The following TECPR2 variants were observed in gnomAD, a reference collection of about 807,000 sequenced individuals.
TECPR2 encodes tectonin beta-propeller repeat-containing protein 2.
A neutral mutation model predicts 138.1 loss-of-function variants in TECPR2; 65 were observed. The ratio of observed to expected loss-of-function variants is 0.47; its 90% CI spans 0.39 to 0.58. TECPR2 has a LOEUF of 0.58. Ranked by LOEUF, TECPR2 falls within the 20% of genes least tolerant of loss-of-function variation. TECPR2 has a pLI of 0.00. For synonymous variants in TECPR2, 746 were observed against 749.8 expected (o/e 0.99, Z 0.08); for missense variants, 1,553 against 1,824.5 (o/e 0.85, Z 2.71).
chr14:102,440,580 G>A lies in TECPR2; in HGVS notation c.2723G>A (p.Arg908Lys), dbSNP rs778236610. 1.2e-6 allele frequency: 2 copies of A among 1,614,070 alleles called. No individual in the cohort carries two copies. The highest frequency in any genetic ancestry group is 8.5e-7 in the Non-Finnish European group (1 of 1,179,990). Residue 908 changes from arginine (R) to lysine (K), a missense_variant, in exon 11 of 20, where the codon AGG (arginine) becomes AAG (lysine). Physicochemically the swap from Arg to Lys is conservative, Grantham distance 26. Coordinates refer to ENST00000359520, the MANE Select transcript of TECPR2 (RefSeq NM_014844.5). ...ALSDDTAWII[R>K]TSGDLYLQTG... ...AGCGATGACACGGCCTGGATCATCA[G>A]GACCAGTGGGGACCTATACTTGCAG...
intron 17 of TECPR2, among the ~76,000 whole-genome samples, chr14:102,472,833 C>T (rs535476562): frequency 1.1e-4 from 17 of 152,346 alleles, no homozygotes; most frequent in African/African-American, 3.8e-4. Flanking sequence ...CAGGCAGGGA[C>T]CCAGGCCCCC....
Position 102,376,644 on chromosome 14 carries a change from C to CTGTA in TECPR2, c.-72-5_-72-2dup. On this transcript the variant is annotated splice_polypyrimidine_tract_variant and splice_region_variant and intron_variant, in intron 1 of 19. Transcript: ENST00000359520. ...ATTGAAAGGATTGTAATGCTTTGTT[C>CTGTA]TGTAGCCCCCAGGTTTCCCTAGATG... 1 of 1,322,668 alleles carries CTGTA rather than the reference C, an allele frequency of 7.6e-7. No homozygotes were observed. The highest frequency in any genetic ancestry group is 1.1e-6 in the Non-Finnish European group (1 of 929,534). The allele number at this position is 1,322,668 out of a possible 1,614,324, so 81.9% of individuals were successfully genotyped here. A position where few individuals can be genotyped will look rare whatever the true frequency, so the allele number is the denominator to read the frequency against.
At chr14:102,424,007 G>A (rs1482766541) in intron 5 of TECPR2, among the ~76,000 whole-genome samples, 2 of 152,192 alleles carry the variant, frequency 1.3e-5, no homozygotes, top group Non-Finnish European at 2.9e-5. Context: ...AACGGGAGTT[G>A]TAATACAGTC....
chr14:102,372,082 T>C (rs949171526), intron 1 of TECPR2, among the ~76,000 whole-genome samples: 1 of 151,986 alleles, frequency 6.6e-6, no homozygotes, highest in Admixed American at 6.6e-5. Context: ...TCTCCTGGGC[T>C]CAAGCGATTC....
chr14:102,497,661 CAAG>C lies in TECPR2; in HGVS notation c.4026_4028del (p.Lys1342del). 6.2e-7 allele frequency: 1 copy of C among 1,609,200 alleles called. No homozygotes were observed. The highest frequency in any genetic ancestry group is 8.5e-7 in the Non-Finnish European group (1 of 1,178,412). On this transcript the variant is annotated inframe_deletion, in exon 19 of 20. Transcript: ENST00000359520. ...TCGCCCGGCGGTACGGCGTCACAGA[CAAG>C]AACCCCGCCGGGGACTACTGGAAGA...
intron 2 of TECPR2, among the ~76,000 whole-genome samples, chr14:102,390,414 G>A (rs1399653218): frequency 6.6e-6 from 1 of 152,088 alleles, no homozygotes; most frequent in Non-Finnish European, 1.5e-5. Flanking sequence ...TAAAGGCAAA[G>A]GAGAGTTAAA....
rs754348788 is a variant in TECPR2, at chr14:102,376,832, T to C, written c.111T>C (p.Tyr37=). 1 of 1,614,164 alleles carries C rather than the reference T, an allele frequency of 6.2e-7. No homozygotes were observed. Among genetic ancestry groups the C allele is most frequent in the Admixed American group, 1.7e-5 (1 of 60,014 alleles). The change falls in exon 2 of 20, where the codon TAT becomes TAC. Residue 37 remains tyrosine, a synonymous_variant. Coordinates refer to ENST00000359520, the MANE Select transcript of TECPR2 (RefSeq NM_014844.5). ...IQKGFRSIVV[Y]LTALDTNGDY... ...AGGGTTTCCGCTCTATCGTGGTCTA[T>C]CTCACGGCCCTCGACACCAACGGGG...
intron 2 of TECPR2, among the ~76,000 whole-genome samples, chr14:102,385,174 G>T (rs897851437): frequency 7.2e-5 from 11 of 151,884 alleles, no homozygotes; most frequent in Non-Finnish European, 1.2e-4. Context: ...TTTTAGTATG[G>T]AGTGCTTCAC....
chr14:102,410,470 TAAAAAA>T (rs60487259), intron 4 of TECPR2, among the ~76,000 whole-genome samples: 4 of 135,464 alleles, frequency 3.0e-5, no homozygotes, highest in African/African-American at 1.1e-4. Context: ...AAAAATAAAT[TAAAAAA>T]AAAAATAAAA....
intron 15 of TECPR2, 126 bp downstream of exon 15, chr14:102,450,775 T>G (rs1048438086): frequency 5.6e-6 from 5 of 896,374 alleles, no homozygotes; most frequent in Non-Finnish European, 8.8e-6. Context: ...CACGTGAGGG[T>G]GTCAGAGGCC....
chr14:102,428,849 CT>C (rs541769149), intron 7 of TECPR2, among the ~76,000 whole-genome samples: 313 of 140,906 alleles, frequency 2.2e-3, no homozygotes, highest in Middle Eastern at 3.6e-3. Flanking sequence ...TCCTCTGATT[CT>C]TTTTTTTTTT....
intron 2 of TECPR2, among the ~76,000 whole-genome samples, chr14:102,406,848 T>G (rs1888671961): frequency 6.6e-6 from 1 of 151,986 alleles, no homozygotes; most frequent in Admixed American, 6.6e-5. Flanking sequence ...TGTTTTTTGG[T>G]TTTTTTGTTG....
At chr14:102,494,824 CAA>C (rs527379957) in intron 17 of TECPR2, among the ~76,000 whole-genome samples, 5 of 64,054 alleles carry the variant, frequency 7.8e-5, no homozygotes, top group African/African-American at 5.4e-5. Flanking sequence ...AACTCCGTCT[CAA>C]AAAAAAAAAA....
rs1889800947 is a variant in TECPR2 at position 102,440,546 on chromosome 14, G to A, written c.2689G>A (p.Val897Met). 6.2e-7 allele frequency: 1 copy of A among 1,614,100 alleles called. No homozygotes were observed. Among genetic ancestry groups the A allele is most frequent in the African/African-American group, 1.3e-5 (1 of 74,940 alleles). The change falls in exon 11 of 20, where the codon GTG (valine) becomes ATG (methionine). Residue 897 changes from valine (V) to methionine (M), a missense_variant. Coordinates refer to ENST00000359520, the MANE Select transcript of TECPR2 (RefSeq NM_014844.5). Reference sequence around the variant, plus strand: ...CGAAGCCCTGCCCCAGGCAGTGTTTGTGGCCCTGAGCGATGACACGGCCTG... The same window carrying A: ...CGAAGCCCTGCCCCAGGCAGTGTTTATGGCCCTGAGCGATGACACGGCCTG... The part of the protein sequence containing the change: ...WYEALPQAVF[V>M]ALSDDTAWII...
intron 1 of TECPR2, among the ~76,000 whole-genome samples, chr14:102,364,238 TCAC>T (rs1321863225): frequency 3.9e-5 from 6 of 152,364 alleles, no homozygotes; most frequent in Non-Finnish European, 7.3e-5. Flanking sequence ...CTCCTTGTGA[TCAC>T]CAGCGATTCC....
chr14:102,384,726 C>T (rs1383609150), intron 2 of TECPR2, among the ~76,000 whole-genome samples: 2 of 146,014 alleles, frequency 1.4e-5, no homozygotes, highest in Non-Finnish European at 3.0e-5. Context: ...TATATATATA[C>T]ACATATATAT....
chr14:102,498,024 C>CCCAAGCTCCCAGCTCCATCTGTGA, intron 19 of TECPR2, 79 bp from the exon 20 acceptor site: 2 of 1,555,822 alleles, frequency 1.3e-6, no homozygotes, highest in Admixed American at 1.8e-5. Flanking sequence ...CAGACCTGCG[C>CCCAAGCTCCCAGCTCCATCTGTGA]CCAAGCTCCC....
In TECPR2 at chr14:102,494,751, G is replaced by A. The variant is rs183350422; in HGVS notation, c.3790-2228G>A. On this transcript the variant is annotated intron_variant, in intron 17 of 19. Coordinates refer to ENST00000359520, the MANE Select transcript of TECPR2 (RefSeq NM_014844.5). ...AGGCAGGAGAATTGCTTGAACCTGG[G>A]AGGCGGAGGTTGCGGTGAGCCAAGA... Among the ~76,000 whole-genome samples, 209 of 151,558 alleles carry A rather than the reference G, an allele frequency of 1.4e-3. 1 individual carries two copies. The highest frequency in any genetic ancestry group is 4.9e-3 in the African/African-American group (201 of 41,260).
intron 8 of TECPR2, among the ~76,000 whole-genome samples, chr14:102,432,672 G>A (rs1353787625): frequency 6.6e-6 from 1 of 151,758 alleles, no homozygotes; most frequent in Non-Finnish European, 1.5e-5. Context: ...TGGGATTACA[G>A]CGTGAGCCAC....
Sources: allele counts gnomAD v4.1 joint callset (sites outside exome capture counted in the v4.1 genomes callset), GRCh38; gene constraint gnomAD v4.1.1; transcripts MANE v1.5; gene names NCBI Gene and HGNC (gene_info 2026-07-23, HGNC 2026-07-21).